Variants in SARNP observed in about 807,000 individuals in gnomAD.
The protein encoded by SARNP is SAP domain-containing ribonucleoprotein.
SARNP carries 5 observed loss-of-function variants against 38.1 expected under a neutral mutation model. That is an observed-to-expected ratio of 0.13 (90% CI 0.07 to 0.28). SARNP has a LOEUF of 0.28. Ranked by LOEUF, SARNP falls within the 10% of genes least tolerant of loss-of-function variation. The pLI is 1.00. For synonymous variants in SARNP, 84 were observed against 80.6 expected, an observed-to-expected ratio of 1.04 and a Z score of -0.23; for missense variants, 180 against 243.9, an observed-to-expected ratio of 0.74 and a Z score of 1.75.
In SARNP at chr12:55,789,067, T is replaced by G; in HGVS notation, c.501+8A>C. 1.9e-6 allele frequency: 3 copies of G among 1,588,072 alleles called. No individual in the cohort carries two copies. Among genetic ancestry groups the G allele is most frequent in the South Asian group, 2.3e-5 (2 of 88,828 alleles). On this transcript the variant is annotated splice_region_variant and intron_variant, in intron 9 of 10. Transcript: ENST00000336133. ...ACAAAAACATTACTTCCATCGAGCC[T>G]ACATTACCTTTCTGGAGATTGAAGA...
chr12:55,784,664 A>C (rs1298653631), intron 9 of SARNP, among the ~76,000 whole-genome samples: 1 of 152,244 alleles, frequency 6.6e-6, no homozygotes, highest in Admixed American at 6.5e-5. Context: ...CACAAGTATG[A>C]AAGCTGTGTG....
At chr12:55,772,165 A>G (rs17117974) in intron 9 of SARNP, among the ~76,000 whole-genome samples, 12,449 of 152,112 alleles carry the variant, frequency 0.082, 704 homozygotes, top group African/African-American at 0.15. Flanking sequence ...CAGCAAGTAC[A>G]CCGCCTTAGC....
At chr12:55,766,885 CTCT>C (rs1565671371) in intron 9 of SARNP, among the ~76,000 whole-genome samples, 1 of 4,558 alleles carries the variant, frequency 2.2e-4, no homozygotes, top group Non-Finnish European at 2.9e-4. Context: ...GCCGCCTAGT[CTCT>C]GCCTCCTAGT....
chr12:55,785,772 T>A (rs1161502835), intron 9 of SARNP, among the ~76,000 whole-genome samples: 2 of 148,050 alleles, frequency 1.4e-5, no homozygotes, highest in South Asian at 2.1e-4. Context: ...CAAAACCCTG[T>A]CTCAGACAAA....
At position 55,802,728 on chromosome 12, in the gene SARNP, T is replaced by C. The variant is rs114120988; in HGVS notation, c.136+901A>G. The stretch of plus-strand genomic sequence containing the variant: ...ATAACACTCAACCCATAGTATAATA[T>C]ATACTATATACTATTATATACATAT... On this transcript the variant is annotated intron_variant, in intron 2 of 10. Transcript: ENST00000336133. Among the ~76,000 whole-genome samples the C allele has an allele frequency of 3.1e-3, 469 of 151,398 alleles. 4 individuals are homozygous for C. The highest frequency in any genetic ancestry group is 0.011 in the African/African-American group (438 of 41,378).
intron 5 of SARNP, 129 bp from the exon 6 acceptor site, chr12:55,795,009 G>C: frequency 3.5e-6 from 2 of 573,520 alleles, no homozygotes; most frequent in Middle Eastern, 4.8e-4. Flanking sequence ...CCCCAGCCTG[G>C]AGTGCAGTGG....
chr12:55,792,184 T>A (rs888297566), intron 7 of SARNP, among the ~76,000 whole-genome samples: 17 of 151,184 alleles, frequency 1.1e-4, no homozygotes, highest in South Asian at 4.2e-4. Context: ...AGAAAAAAAA[T>A]TTTTTTTTTC....
At chr12:55,814,982 C>T (rs769268636) in intron 1 of SARNP, among the ~76,000 whole-genome samples, 3 of 152,112 alleles carry the variant, frequency 2.0e-5, no homozygotes, top group Non-Finnish European at 4.4e-5. Context: ...CTTCCTGCTT[C>T]AAAAGGTATT....
At chr12:55,800,928 A>C in intron 2 of SARNP, 28 bp from the exon 3 acceptor site, 2 of 1,587,438 alleles carry the variant, frequency 1.3e-6, no homozygotes, top group Non-Finnish European at 1.7e-6. Context: ...ATTCAGGTCA[A>C]GCCCTGCTAC....
At chr12:55,814,816 C>T (rs1359229405) in intron 1 of SARNP, among the ~76,000 whole-genome samples, 1 of 151,798 alleles carries the variant, frequency 6.6e-6, no homozygotes, top group Non-Finnish European at 1.5e-5. Flanking sequence ...TTGCAGCGAG[C>T]CGAGATCTTG....
chr12:55,773,249 T>C (rs1436922873), intron 9 of SARNP, among the ~76,000 whole-genome samples: 4 of 152,228 alleles, frequency 2.6e-5, no homozygotes, highest in Non-Finnish European at 5.9e-5. Flanking sequence ...CTGTAACCCT[T>C]ACATGCAACC....
At chr12:55,817,571 G>A (rs2136212458) in intron 1 of SARNP, 95 bp downstream of exon 1, 1 of 1,192,854 alleles carries the variant, frequency 8.4e-7, no homozygotes, top group Non-Finnish European at 1.2e-6. Flanking sequence ...AAGTGGAAAA[G>A]GCTGCACGGA....
In SARNP at chr12:55,776,977, C is replaced by T. The variant is rs552398354; in HGVS notation, c.501+12098G>A. Among the ~76,000 whole-genome samples, 12 of 152,292 alleles carry T rather than the reference C, an allele frequency of 7.9e-5. No individual in the cohort carries two copies. The South Asian group carries it at 2.5e-3, about 32-fold the overall frequency. Reference sequence around the variant, plus strand: ...TTCTCCCTTTCAGGCTGTGTTTACTCTTGTGGCAAAGACGAGCAGGGGGCC... The same window carrying T: ...TTCTCCCTTTCAGGCTGTGTTTACTTTTGTGGCAAAGACGAGCAGGGGGCC... On this transcript the variant is annotated intron_variant, in intron 9 of 10. Transcript: ENST00000336133.
At chr12:55,809,578 G>A (rs376935646) in intron 1 of SARNP, among the ~76,000 whole-genome samples, 2 of 149,866 alleles carry the variant, frequency 1.3e-5, no homozygotes, top group South Asian at 2.1e-4. Flanking sequence ...AACACAGTGA[G>A]ACCCTGTCTC....
intron 1 of SARNP, among the ~76,000 whole-genome samples, chr12:55,804,487 G>A (rs1008268888): frequency 6.6e-6 from 1 of 151,684 alleles, no homozygotes; most frequent in Non-Finnish European, 1.5e-5. Flanking sequence ...TAGGAATAAG[G>A]TATACATATA....
At chr12:55,753,422 G>T (rs1363931788), downstream of SARNP, 1 of 152,132 alleles carries the variant, frequency 6.6e-6, no homozygotes, top group Non-Finnish European at 1.5e-5. Flanking sequence ...CAATTCCCCA[G>T]GAATATGAGT....
At chr12:55,774,573 A>C (rs1879111165) in intron 9 of SARNP, among the ~76,000 whole-genome samples, 1 of 62,410 alleles carries the variant, frequency 1.6e-5, no homozygotes, top group Admixed American at 2.2e-4. Context: ...AAAAAAAAAA[A>C]ACAAACAAAA....
intron 9 of SARNP, among the ~76,000 whole-genome samples, chr12:55,780,039 T>C (rs1426105483): frequency 1.3e-5 from 2 of 152,172 alleles, no homozygotes. Flanking sequence ...TCCCAGCTAC[T>C]CAGGAGGCTG....
intron 2 of SARNP, among the ~76,000 whole-genome samples, chr12:55,802,637 A>G (rs1396605876): frequency 6.6e-6 from 1 of 151,892 alleles, no homozygotes; most frequent in Non-Finnish European, 1.5e-5. Flanking sequence ...ATATATATAC[A>G]CAAATATTCC....
Sources: gnomAD v4.1 joint callset for allele counts (sites outside exome capture counted in the v4.1 genomes callset) on GRCh38, gnomAD v4.1.1 for gene constraint, MANE v1.5 for transcripts, NCBI Gene and HGNC (gene_info 2026-07-23, HGNC 2026-07-21) for gene names.